SGCD: variants seen among roughly 807,000 people sequenced by gnomAD.
SGCD encodes sarcoglycan delta.
Under a neutral mutation model 36.6 loss-of-function variants are expected in SGCD, and 18 were observed. The observed-to-expected ratio is 0.49, with a 90% CI of 0.34 to 0.73. The LOEUF (loss-of-function observed/expected upper bound fraction) is 0.73, where lower values mean the gene tolerates loss of function less well. Among genes scored for constraint, SGCD ranks in the 30% least tolerant of loss-of-function variants. The probability of loss-of-function intolerance (pLI) is 0.01; values close to 1 mark genes in which losing one functional copy is unlikely to be tolerated. For missense variants in SGCD, 387 were observed against 346.7 expected, an observed-to-expected ratio of 1.12 and a Z score of -0.92; for synonymous variants, 133 against 130.6, an observed-to-expected ratio of 1.02 and a Z score of -0.12.
chr5:156,305,556 A>G (rs1424740184), intron 3 of SGCD, among the ~76,000 whole-genome samples: 2 of 152,190 alleles, frequency 1.3e-5, no homozygotes, highest in African/African-American at 4.8e-5. Context: ...CTGTTAGGGC[A>G]GTGCAGAAGG....
At chr5:156,399,869 A>G (rs1392657407) in intron 3 of SGCD, among the ~76,000 whole-genome samples, 1 of 152,216 alleles carries the variant, frequency 6.6e-6, no homozygotes. Flanking sequence ...ATAGCAGAAT[A>G]TAAGAAATAT....
intron 3 of SGCD, among the ~76,000 whole-genome samples, chr5:156,470,091 G>A (rs1270143205): frequency 2.0e-5 from 3 of 152,084 alleles, no homozygotes; most frequent in Non-Finnish European, 4.4e-5. Context: ...AAGGGCCTTG[G>A]GAAAATAAGT....
intron 1 of SGCD, among the ~76,000 whole-genome samples, chr5:156,003,337 T>C (rs1758699055): frequency 6.6e-6 from 1 of 152,198 alleles, no homozygotes; most frequent in African/African-American, 2.4e-5. Context: ...AAAAGCTAGA[T>C]AGGTGTTTAT....
At chr5:156,063,773 T>C (rs1190349689) in intron 1 of SGCD, among the ~76,000 whole-genome samples, 2 of 18,258 alleles carry the variant, frequency 1.1e-4, no homozygotes, top group Non-Finnish European at 2.1e-4. Context: ...GTGATTTTTG[T>C]ACATTGATTT....
At chr5:155,762,942 A>G in the SGCD span, among the ~76,000 whole-genome samples, 1 of 152,158 alleles carries the variant, frequency 6.6e-6, no homozygotes. Flanking sequence ...AAGGGAATGG[A>G]CATTACTTAT....
At chr5:156,197,472 C>CATTT (rs1764048704) in intron 3 of SGCD, among the ~76,000 whole-genome samples, 1 of 134,000 alleles carries the variant, frequency 7.5e-6, no homozygotes, top group Non-Finnish European at 1.6e-5. Context: ...AATAGTTTTC[C>CATTT]TTTTTTTTTT....
chr5:156,180,642 T>C (rs1763586121), intron 3 of SGCD, among the ~76,000 whole-genome samples: 1 of 152,144 alleles, frequency 6.6e-6, no homozygotes, highest in African/African-American at 2.4e-5. Context: ...GTCAGATTAA[T>C]AGGAGGAAAA....
intron 1 of SGCD, among the ~76,000 whole-genome samples, chr5:156,069,650 G>A (rs931249852): frequency 4.6e-5 from 7 of 151,760 alleles, no homozygotes; most frequent in African/African-American, 7.3e-5. Context: ...GTTTTTTCCA[G>A]TACTGTGAAG....
chr5:156,229,300 A>ATATATATATATATATATATATATATAT lies in SGCD; in HGVS notation c.-43-100234_-43-100233insTATATATATATATATATATATATATAT, dbSNP rs1477607808. 3.0e-3 allele frequency among the ~76,000 whole-genome samples: 372 copies of ATATATATATATATATATATATATATAT among 125,812 alleles called. 1 individual carries two copies. The highest frequency in any genetic ancestry group is 3.6e-3 in the Non-Finnish European group (219 of 60,324). 82.5% of individuals were successfully genotyped at this position (125,812 alleles called of 152,430 possible). A position where few individuals can be genotyped will look rare whatever the true frequency, so the allele number is the denominator to read the frequency against. ...TACATATATATATATATATATATAT[A>ATATATATATATATATATATATATATAT]AAATTAGTTCTTCCATTGGTTCTTC... is the stretch of plus-strand genomic sequence containing the variant. On this transcript the variant is annotated intron_variant, in intron 3 of 9. Coordinates refer to the SGCD transcript ENST00000517913.
chr5:156,164,430 C>A (rs894809032), intron 3 of SGCD, among the ~76,000 whole-genome samples: 6 of 152,034 alleles, frequency 3.9e-5, no homozygotes, highest in African/African-American at 1.4e-4. Context: ...CCTTGTTCCC[C>A]ACTCCCACCC....
rs575765805 is a variant in SGCD at position 156,021,730 on chromosome 5, G to A, written c.-281-96148G>A. ...GAGGGTGTACAGTGGGAAGAGCAGA[G>A]GTCTGGTGTGAGCCGGAGCCTGGCA... On this transcript the variant is annotated intron_variant, in intron 1 of 9. Transcript: ENST00000517913. 3.3e-5 allele frequency among the ~76,000 whole-genome samples: 5 copies of A among 152,220 alleles called. No homozygotes were observed. In the South Asian group the frequency reaches 6.2e-4, roughly 19 times the overall value.
the SGCD span, among the ~76,000 whole-genome samples, chr5:155,823,547 C>T: frequency 2.4e-4 from 36 of 152,232 alleles, no homozygotes; most frequent in South Asian, 4.8e-3. Flanking sequence ...TAAAATTAAC[C>T]ATCATGGTTA....
At chr5:155,968,135 TAAGC>T (rs1385785602) in intron 1 of SGCD, among the ~76,000 whole-genome samples, 3 of 152,108 alleles carry the variant, frequency 2.0e-5, no homozygotes, top group Non-Finnish European at 4.4e-5. Context: ...TTCTCAGAAT[TAAGC>T]AAATGCAGTG....
At chr5:155,802,939 C>A in the SGCD span, among the ~76,000 whole-genome samples, 2 of 152,118 alleles carry the variant, frequency 1.3e-5, no homozygotes, top group Admixed American at 1.3e-4. Flanking sequence ...GAAAGCTGAT[C>A]CATGGGGAAA....
intron 4 of SGCD, among the ~76,000 whole-genome samples, chr5:156,526,421 A>G (rs1326926645): frequency 1.3e-5 from 2 of 152,030 alleles, no homozygotes; most frequent in African/African-American, 4.8e-5. Flanking sequence ...AGCAGCTCCA[A>G]CTCCCAAGTG....
intron 3 of SGCD, among the ~76,000 whole-genome samples, chr5:156,427,072 C>T (rs1773704382): frequency 6.6e-6 from 1 of 152,050 alleles, no homozygotes; most frequent in Non-Finnish European, 1.5e-5. Flanking sequence ...TTTTCTGGTT[C>T]TGTGAAGAAT....
At chr5:155,978,489 T>C (rs1338160189) in intron 1 of SGCD, among the ~76,000 whole-genome samples, 1 of 152,252 alleles carries the variant, frequency 6.6e-6, no homozygotes, top group African/African-American at 2.4e-5. Context: ...ACTGTGTCAA[T>C]GGATTGCCTT....
Position 156,648,995 on chromosome 5 carries a change from C to T in SGCD, c.575+1459C>T, listed in dbSNP as rs570640490. ...TAGTCAGTAATTAGTGATGATTAGCCCCAAGAAAAAGTGCTGTCTAAAAGA... is the reference window on the plus strand; with the variant it reads ...TAGTCAGTAATTAGTGATGATTAGCTCCAAGAAAAAGTGCTGTCTAAAAGA... On this transcript the variant is annotated intron_variant, in intron 7 of 8. Transcript: ENST00000337851. Among the ~76,000 whole-genome samples, 6 of 151,928 alleles carry T rather than the reference C, an allele frequency of 3.9e-5. No individual in the cohort carries two copies. In the East Asian group the frequency reaches 1.2e-3, roughly 29 times the overall value.
At chr5:156,326,848 C>A (rs1332676985), upstream of SGCD, 3 of 152,372 alleles carry the variant, frequency 2.0e-5, no homozygotes, top group Admixed American at 6.5e-5. Flanking sequence ...AAGCAGTTTT[C>A]TTTCTGGTTG....
Sources: allele counts gnomAD v4.1 joint callset (sites outside exome capture counted in the v4.1 genomes callset), GRCh38; gene constraint gnomAD v4.1.1; transcripts MANE v1.5; gene names NCBI Gene and HGNC (gene_info 2026-07-23, HGNC 2026-07-21).